Variants in LMX1A observed in about 807,000 individuals in gnomAD.
LMX1A encodes LIM homeobox transcription factor 1 alpha.
Under a neutral mutation model 49.1 loss-of-function variants are expected in LMX1A, and 15 were observed. The observed-to-expected ratio is 0.31, with a 90% CI of 0.20 to 0.47. The LOEUF (loss-of-function observed/expected upper bound fraction) is 0.47. LMX1A is among the 20% of genes least tolerant of loss of function. The pLI is 1.00. For missense variants in LMX1A, 372 were observed against 475.8 expected, an observed-to-expected ratio of 0.78 and a Z score of 2.03; for synonymous variants, 167 against 185.7, an observed-to-expected ratio of 0.90 and a Z score of 0.82.
chr1:165,282,267 G>A (rs1294248273), intron 3 of LMX1A, among the ~76,000 whole-genome samples: 1 of 152,072 alleles, frequency 6.6e-6, no homozygotes, highest in Non-Finnish European at 1.5e-5. Flanking sequence ...ATCACCACCT[G>A]AATATACAGT....
chr1:165,279,006 C>T (rs1176595188), intron 3 of LMX1A, among the ~76,000 whole-genome samples: 1 of 152,212 alleles, frequency 6.6e-6, no homozygotes, highest in Non-Finnish European at 1.5e-5. Context: ...AGAAGGTAGG[C>T]TTCTCTCTGT....
In LMX1A at chr1:165,355,619, C is replaced by T. The variant is rs2101778478; in HGVS notation, c.-22-38G>A. The T allele has an allele frequency of 2.0e-6, 3 of 1,516,230 alleles. No homozygotes were observed. The highest frequency in any genetic ancestry group is 2.7e-6 in the Non-Finnish European group (3 of 1,100,942). 93.9% of individuals were successfully genotyped at this position (1,516,230 alleles called of 1,614,324 possible). A position where few individuals can be genotyped will look rare whatever the true frequency, so the allele number is the denominator to read the frequency against. ...AGAAACGATGCGTCTGACGTCCGTGCCCGCTGGGACTCGGCGCCAGCAGCC... is the reference window on the plus strand; with the variant it reads ...AGAAACGATGCGTCTGACGTCCGTGTCCGCTGGGACTCGGCGCCAGCAGCC... On this transcript the variant is annotated intron_variant, in intron 1 of 8. Coordinates refer to ENST00000342310, the MANE Select transcript of LMX1A (RefSeq NM_177398.4). The surrounding 1 kb of genome is among the most constrained non-coding windows in gnomAD (Gnocchi z 4.7).
intron 3 of LMX1A, among the ~76,000 whole-genome samples, chr1:165,351,081 T>G (rs2101772761): frequency 6.6e-6 from 1 of 152,340 alleles, no homozygotes; most frequent in South Asian, 2.1e-4. Flanking sequence ...AACTGTTTCT[T>G]CTCCTCTTGA....
At chr1:165,250,914 T>G (rs554274941) in intron 3 of LMX1A, among the ~76,000 whole-genome samples, 40 of 152,104 alleles carry the variant, frequency 2.6e-4, no homozygotes, top group African/African-American at 8.7e-4. Context: ...GAACAGCCTG[T>G]GTGAAGGCCT....
Position 165,355,376 on chromosome 1 carries a change from A to G in LMX1A, c.76+108T>C, listed in dbSNP as rs886438629. On this transcript the variant is annotated intron_variant, in intron 2 of 8. Coordinates refer to ENST00000342310, the MANE Select transcript of LMX1A (RefSeq NM_177398.4). The surrounding 1 kb of genome is among the most constrained non-coding windows in gnomAD (Gnocchi z 4.7). ...ATGGGGCTCAATTTAGTGTATGAAG[A>G]GGGGCGCTAGCTTCCCTATCGCGGA... 13 of 1,006,786 alleles carry G rather than the reference A, an allele frequency of 1.3e-5. No individual in the cohort carries two copies. The Admixed American group carries it at 2.6e-4, about 20-fold the overall frequency. The allele number at this position is 1,006,786 out of a possible 1,614,324, so 62.4% of individuals were successfully genotyped here. A position where few individuals can be genotyped will look rare whatever the true frequency, so the allele number is the denominator to read the frequency against.
At chr1:165,225,634 T>C (rs527478966) in intron 4 of LMX1A, among the ~76,000 whole-genome samples, 131 of 152,380 alleles carry the variant, frequency 8.6e-4, no homozygotes, top group Non-Finnish European at 1.6e-3. Flanking sequence ...GTCTGGACTC[T>C]AGGGCAGTGG....
chr1:165,343,371 A>G (rs1282697060), intron 3 of LMX1A, among the ~76,000 whole-genome samples: 1 of 151,688 alleles, frequency 6.6e-6, no homozygotes, highest in African/African-American at 2.4e-5. Context: ...TTCTAAAACT[A>G]TGTATAAGCT....
intron 3 of LMX1A, among the ~76,000 whole-genome samples, chr1:165,318,304 G>A (rs1315802209): frequency 6.6e-6 from 1 of 152,148 alleles, no homozygotes; most frequent in Non-Finnish European, 1.5e-5. Flanking sequence ...GTCCTTCCAG[G>A]ATTTGACTTT....
chr1:165,269,271 G>A (rs779313792), intron 3 of LMX1A, among the ~76,000 whole-genome samples: 8 of 152,200 alleles, frequency 5.3e-5, no homozygotes, highest in Non-Finnish European at 8.8e-5. Flanking sequence ...GTTTGTTTGC[G>A]CAGAGCCTGC....
chr1:165,316,295 A>G (rs1326029419), intron 3 of LMX1A, among the ~76,000 whole-genome samples: 1 of 152,204 alleles, frequency 6.6e-6, no homozygotes, highest in African/African-American at 2.4e-5. Flanking sequence ...ACACATGCTG[A>G]GAGCTTACCA....
At chr1:165,242,929 C>CAAAAAAAAAAAAAAAAAAA (rs35937155) in intron 4 of LMX1A, among the ~76,000 whole-genome samples, 2 of 115,156 alleles carry the variant, frequency 1.7e-5, no homozygotes, top group South Asian at 3.0e-4. Flanking sequence ...AACTCCACCT[C>CAAAAAAAAAAAAAAAAAAA]AAAAAAAAAA....
chr1:165,254,299 C>G (rs1009823086), intron 3 of LMX1A, among the ~76,000 whole-genome samples: 2 of 152,166 alleles, frequency 1.3e-5, no homozygotes, highest in African/African-American at 4.8e-5. Context: ...ACAAAGAAAG[C>G]CCACCATGTT....
intron 3 of LMX1A, among the ~76,000 whole-genome samples, chr1:165,340,949 C>A (rs6702087): frequency 3.3e-5 from 5 of 152,068 alleles, no homozygotes; most frequent in South Asian, 2.1e-4. Context: ...CATTCCCAAC[C>A]TCTCACCTTA....
At chr1:165,259,072 GTAAA>G in intron 3 of LMX1A, among the ~76,000 whole-genome samples, 1 of 152,320 alleles carries the variant, frequency 6.6e-6, no homozygotes, top group Admixed American at 6.5e-5. Flanking sequence ...ATCTGCCCAT[GTAAA>G]TATTTATATA....
intron 3 of LMX1A, among the ~76,000 whole-genome samples, chr1:165,267,329 G>T (rs775656377): frequency 6.6e-6 from 1 of 152,066 alleles, no homozygotes; most frequent in South Asian, 2.1e-4. Flanking sequence ...AGCATATATC[G>T]AGGTACATGT....
At chr1:165,299,458 G>A (rs541497599) in intron 3 of LMX1A, among the ~76,000 whole-genome samples, 129 of 152,306 alleles carry the variant, frequency 8.5e-4, no homozygotes, top group Admixed American at 1.6e-3. Flanking sequence ...ACCATAGGAC[G>A]GAAGGTATTT....
chr1:165,253,526 G>T (rs564708810), intron 3 of LMX1A, among the ~76,000 whole-genome samples: 1 of 152,262 alleles, frequency 6.6e-6, no homozygotes, highest in Admixed American at 6.5e-5. Context: ...TTGAGTGAAG[G>T]AAGGCAAGGC....
chr1:165,330,318 T>G (rs947920495), intron 3 of LMX1A, among the ~76,000 whole-genome samples: 3 of 152,088 alleles, frequency 2.0e-5, no homozygotes, highest in Non-Finnish European at 4.4e-5. Flanking sequence ...TACAAAAAAT[T>G]TCAAAGTTAG....
intron 3 of LMX1A, among the ~76,000 whole-genome samples, chr1:165,264,317 G>C (rs1460840379): frequency 6.6e-6 from 1 of 152,114 alleles, no homozygotes; most frequent in Non-Finnish European, 1.5e-5. Context: ...GGACAGACAT[G>C]AGTAGCTAAA....
Sources: allele counts gnomAD v4.1 joint callset (sites outside exome capture counted in the v4.1 genomes callset), GRCh38; gene constraint gnomAD v4.1.1; non-coding constraint Gnocchi (gnomAD v3.1); transcripts MANE v1.5; gene names NCBI Gene and HGNC (gene_info 2026-07-23, HGNC 2026-07-21).